B4GALNT3: variants seen among roughly 807,000 people sequenced by gnomAD.
B4GALNT3 encodes beta-1,4-N-acetylgalactosaminyltransferase 3.
A neutral mutation model predicts 120.2 loss-of-function variants in B4GALNT3; 86 were observed. The ratio of observed to expected loss-of-function variants is 0.72; its 90% CI spans 0.60 to 0.86. The LOEUF (loss-of-function observed/expected upper bound fraction) is 0.86, where lower values mean the gene tolerates loss of function less well. Ranked by LOEUF, B4GALNT3 falls within the 40% of genes least tolerant of loss-of-function variation. The pLI, the probability that B4GALNT3 is intolerant of heterozygous loss-of-function variation, is 0.00. For synonymous variants in B4GALNT3, 518 were observed against 510.4 expected (o/e 1.01, Z -0.20); for missense variants, 1,167 against 1,298.9 (o/e 0.90, Z 1.56).
chr12:509,400 T>C (rs1946525894), intron 1 of B4GALNT3, among the ~76,000 whole-genome samples: 1 of 152,104 alleles, frequency 6.6e-6, no homozygotes. Flanking sequence ...AGGAGAAACT[T>C]GGGAAGCAAC....
At chr12:559,234 CTCCT>C in intron 18 of B4GALNT3, 57 bp from the exon 19 acceptor site, 1 of 1,606,972 alleles carries the variant, frequency 6.2e-7, no homozygotes, top group Non-Finnish European at 8.5e-7. Flanking sequence ...GCCTGGAAGC[CTCCT>C]TCCTTCCTCC....
chr12:510,498 AAACG>A (rs1292146426), intron 1 of B4GALNT3, among the ~76,000 whole-genome samples: 120 of 147,412 alleles, frequency 8.1e-4, no homozygotes, highest in Middle Eastern at 3.5e-3. Flanking sequence ...GCTGGGAGGG[AAACG>A]GGCCCTTTCA....
At chr12:546,530 G>A (rs570145627) in intron 6 of B4GALNT3, 116 bp from the exon 7 acceptor site, 3 of 934,442 alleles carry the variant, frequency 3.2e-6, no homozygotes, top group South Asian at 1.5e-5. Context: ...CATTCCGCCC[G>A]TCTTCCTCCC....
chr12:496,736 C>T (rs1395484739), intron 1 of B4GALNT3, among the ~76,000 whole-genome samples: 1 of 151,442 alleles, frequency 6.6e-6, no homozygotes, highest in Non-Finnish European at 1.5e-5. Context: ...GTTAAGCAGT[C>T]ACTCCTTCCC....
intron 1 of B4GALNT3, among the ~76,000 whole-genome samples, chr12:504,650 G>A (rs1371828233): frequency 1.3e-5 from 2 of 151,952 alleles, no homozygotes; most frequent in Non-Finnish European, 2.9e-5. Flanking sequence ...ATTTGAGTCT[G>A]CAGTGAGCTT....
chr12:552,086 C>T lies in B4GALNT3; in HGVS notation c.1131C>T (p.Pro377=), dbSNP rs1565610215. The change falls in exon 12 of 20, where the codon CCC becomes CCT. Residue 377 remains proline, a synonymous_variant. Transcript: ENST00000266383. The stretch of plus-strand genomic sequence containing the variant: ...AGGTTCATCTGTCTTTTGTTTACCC[C>T]AATGACTATACCCGCCTGAGCCACA... ...LRFVHLSFVY[P]NDYTRLSHME... 6.2e-7 allele frequency: 1 copy of T among 1,612,078 alleles called. No homozygotes were observed. The highest frequency in any genetic ancestry group is 8.5e-7 in the Non-Finnish European group (1 of 1,178,216).
chr12:551,650 C>T (rs1029844187), intron 11 of B4GALNT3, among the ~76,000 whole-genome samples: 2 of 151,916 alleles, frequency 1.3e-5, no homozygotes, highest in Admixed American at 6.6e-5. Flanking sequence ...TTTAAGGGGG[C>T]AAAGGAAGCA....
intron 2 of B4GALNT3, among the ~76,000 whole-genome samples, chr12:535,640 G>A (rs1222873940): frequency 6.6e-6 from 1 of 152,206 alleles, no homozygotes; most frequent in Non-Finnish European, 1.5e-5. Flanking sequence ...TTGCTGCTGA[G>A]ATCAGAGGTG....
intron 1 of B4GALNT3, among the ~76,000 whole-genome samples, chr12:469,209 C>T (rs1946111595): frequency 6.6e-6 from 1 of 152,082 alleles, no homozygotes; most frequent in Non-Finnish European, 1.5e-5. Context: ...ACTCACCAAT[C>T]GTGAGACCTT....
chr12:539,802 T>C (rs1946896826), intron 3 of B4GALNT3, among the ~76,000 whole-genome samples: 1 of 152,168 alleles, frequency 6.6e-6, no homozygotes, highest in African/African-American at 2.4e-5. Flanking sequence ...TTACAGCTAC[T>C]TGGGCAGCTA....
At chr12:477,391 A>C (rs1946195195) in intron 1 of B4GALNT3, among the ~76,000 whole-genome samples, 1 of 152,152 alleles carries the variant, frequency 6.6e-6, no homozygotes, top group Admixed American at 6.5e-5. Flanking sequence ...CATGTTCCCA[A>C]CTCAGCTGCC....
At position 553,264 on chromosome 12, in the gene B4GALNT3, C is replaced by T. The variant is rs1320221088; in HGVS notation, c.1341C>T (p.Asn447=). ...EVAEETPASN[N]QNARMLEGRQ... is the part of the protein sequence containing the mutation. Reference sequence around the variant, plus strand: ...CAGAGGAGACCCCTGCCTCCAACAACCAGAATGCCAGGATGCTTGAGGGAA... The same window carrying T: ...CAGAGGAGACCCCTGCCTCCAACAATCAGAATGCCAGGATGCTTGAGGGAA... The change falls in exon 14 of 20, where the codon AAC becomes AAT. Residue 447 remains asparagine, a synonymous_variant. Coordinates refer to ENST00000266383, the MANE Select transcript of B4GALNT3 (RefSeq NM_173593.4). 3.1e-6 allele frequency: 5 copies of T among 1,613,472 alleles called. No individual in the cohort carries two copies. Among genetic ancestry groups the T allele is most frequent in the African/African-American group, 1.3e-5 (1 of 74,918 alleles).
rs149737676 is a variant in B4GALNT3 at position 556,584 on chromosome 12, C to A, written c.2098C>A (p.Arg700Ser). The change falls in exon 15 of 20, where the codon CGT becomes AGT. Residue 700 changes from arginine (R) to serine (S), a missense_variant. Physicochemically the swap from Arg to Ser is moderately radical, Grantham distance 110. Transcript: ENST00000266383. Reference sequence around the variant, plus strand: ...ACAGCGCATTGTGAACGTGGAAAAGCGTCAGGACCAGCTACGTGGGGGTCG... The same window carrying A: ...ACAGCGCATTGTGAACGTGGAAAAGAGTCAGGACCAGCTACGTGGGGGTCG... ...QLQRIVNVEKRQDQLRGGRYL... is the reference protein window; with the variant it reads ...QLQRIVNVEKSQDQLRGGRYL... 4.3e-6 allele frequency: 7 copies of A among 1,613,858 alleles called. No individual in the cohort carries two copies. The highest frequency in any genetic ancestry group is 5.9e-6 in the Non-Finnish European group (7 of 1,179,994).
At position 553,004 on chromosome 12, in the gene B4GALNT3, G is replaced by T. The variant is rs565110250; in HGVS notation, c.1271-190G>T. On this transcript the variant is annotated intron_variant, in intron 13 of 19. Transcript: ENST00000266383. ...GATGCAGTATTATTCCCTTTATGCA[G>T]ATGAAGAAACTGGGGTTAATTGAGG... 1.5e-4 allele frequency: 110 copies of T among 738,480 alleles called. No individual in the cohort carries two copies. In the African/African-American group the frequency reaches 1.9e-3, roughly 12 times the overall value. The allele number at this position is 738,480 out of a possible 1,614,324, so 45.7% of individuals were successfully genotyped here. A position where few individuals can be genotyped will look rare whatever the true frequency, so the allele number is the denominator to read the frequency against.
chr12:511,849 A>G (rs1485366584), intron 1 of B4GALNT3, among the ~76,000 whole-genome samples: 2 of 37,958 alleles, frequency 5.3e-5, no homozygotes, highest in Non-Finnish European at 1.1e-4. Context: ...TCCACCTTCC[A>G]CCTTCCACCT....
At chr12:531,820 A>G (rs919133488) in intron 1 of B4GALNT3, among the ~76,000 whole-genome samples, 2 of 152,358 alleles carry the variant, frequency 1.3e-5, no homozygotes, top group African/African-American at 4.8e-5. Flanking sequence ...TCTGGCCCAC[A>G]TAATTTAATC....
intron 1 of B4GALNT3, among the ~76,000 whole-genome samples, chr12:516,131 G>A (rs1767826525): frequency 1.3e-5 from 2 of 149,706 alleles, no homozygotes; most frequent in South Asian, 2.1e-4. Flanking sequence ...GGGCGACAGA[G>A]CGAGACTCCG....
chr12:483,728 C>T (rs902557914), intron 1 of B4GALNT3, among the ~76,000 whole-genome samples: 15 of 152,202 alleles, frequency 9.9e-5, no homozygotes, highest in African/African-American at 3.6e-4. Flanking sequence ...GTTATGTGCA[C>T]GTGGCACATG....
chr12:535,151 C>T lies in B4GALNT3; in HGVS notation c.170-15C>T, dbSNP rs566487043. ...GTTACGCTGACCTGAGGGCTCCTCT[C>T]TTCCCCTTCCACAGGGTACGGCAGC... On this transcript the variant is annotated splice_polypyrimidine_tract_variant and intron_variant, in intron 1 of 19. Coordinates refer to ENST00000266383, the MANE Select transcript of B4GALNT3 (RefSeq NM_173593.4). 6 of 1,606,158 alleles carry T rather than the reference C, an allele frequency of 3.7e-6. No individual in the cohort carries two copies. In the South Asian group the frequency reaches 4.4e-5, roughly 12 times the overall value.
Sources: gnomAD v4.1 joint callset for allele counts (sites outside exome capture counted in the v4.1 genomes callset) on GRCh38, gnomAD v4.1.1 for gene constraint, MANE v1.5 for transcripts, NCBI Gene and HGNC (gene_info 2026-07-23, HGNC 2026-07-21) for gene names.